Variants in ENOX2 observed in about 807,000 individuals in gnomAD.
ENOX2 encodes the protein ecto-NOX disulfide-thiol exchanger 2.
Under a neutral mutation model 45.0 loss-of-function variants are expected in ENOX2, and 36 were observed. That is an observed-to-expected ratio of 0.80 (90% CI 0.61 to 1.06). The LOEUF (loss-of-function observed/expected upper bound fraction) is 1.06, where lower values mean the gene tolerates loss of function less well. Among genes scored for constraint, ENOX2 ranks in the 50% least tolerant of loss-of-function variants. ENOX2 has a pLI of 0.00. For missense variants in ENOX2, 423 were observed against 462.5 expected, an observed-to-expected ratio of 0.91 and a Z score of 0.78; for synonymous variants, 174 against 152.3, an observed-to-expected ratio of 1.14 and a Z score of -1.05.
At chrX:130,664,908 T>C (rs1280991856) in intron 9 of ENOX2, among the ~76,000 whole-genome samples, 2 of 112,475 alleles carry the variant, frequency 1.8e-5, no homozygotes, top group Non-Finnish European at 3.8e-5. Flanking sequence ...AGAAATGTAG[T>C]TGAAAAGTTG....
chrX:130,630,988 C>CAAAG (rs1261090193), intron 13 of ENOX2, among the ~76,000 whole-genome samples: 1 of 110,284 alleles, frequency 9.1e-6, no homozygotes, highest in Non-Finnish European at 1.9e-5. Flanking sequence ...AACAAACAAA[C>CAAAG]AAACAAACAA....
In ENOX2 at chrX:130,747,641, GC is replaced by G. The variant is rs34069292; in HGVS notation, c.-39+35905del. 4.8e-3 allele frequency among the ~76,000 whole-genome samples: 535 copies of G among 112,586 alleles called. 5 individuals carry two copies. Among genetic ancestry groups the G allele is most frequent in the African/African-American group, 0.017 (516 of 31,011 alleles). On this transcript the variant is annotated intron_variant, in intron 3 of 14. Coordinates refer to ENST00000394363, the MANE Select transcript of ENOX2 (RefSeq NM_006375.4). ...AGCAGCTCTGAGCTGTGGGCTTCAT[GC>G]CCCTGAAGCAGGGTTTTCAAAGAGC...
At chrX:130,736,278 C>T (rs965194045) in intron 3 of ENOX2, among the ~76,000 whole-genome samples, 1 of 109,334 alleles carries the variant, frequency 9.1e-6, no homozygotes, top group Non-Finnish European at 1.9e-5. Flanking sequence ...GCAGGAGAGT[C>T]GCTTGGGGAG....
At chrX:130,641,810 C>T (rs901065180) in intron 10 of ENOX2, among the ~76,000 whole-genome samples, 5 of 110,245 alleles carry the variant, frequency 4.5e-5, no homozygotes, top group Non-Finnish European at 9.5e-5. Context: ...GGTGACAGCA[C>T]ATCTGTTTAC....
At chrX:130,842,517 C>A (rs2078032296) in intron 2 of ENOX2, among the ~76,000 whole-genome samples, 1 of 111,780 alleles carries the variant, frequency 8.9e-6, no homozygotes, top group African/African-American at 3.2e-5. Flanking sequence ...TCCACTTCCT[C>A]TCCTCTCATC....
chrX:130,702,017 G>T (rs1222447293), intron 4 of ENOX2, among the ~76,000 whole-genome samples: 1 of 110,196 alleles, frequency 9.1e-6, no homozygotes, highest in Non-Finnish European at 1.9e-5. Context: ...ATGTTTGGTT[G>T]CTTTTATGCT....
chrX:130,625,564 C>A, intron 14 of ENOX2, 119 bp from the exon 15 acceptor site: 1 of 702,380 alleles, frequency 1.4e-6, no homozygotes, highest in South Asian at 3.1e-5. Context: ...GGGCGTTTAA[C>A]CTCCTCCTGC....
At chrX:130,734,698 C>T (rs768277613) in intron 3 of ENOX2, among the ~76,000 whole-genome samples, 1 of 112,220 alleles carries the variant, frequency 8.9e-6, no homozygotes, top group African/African-American at 3.2e-5. Flanking sequence ...AATGATTGCA[C>T]AGAATATTAA....
In ENOX2 at chrX:130,865,040, ATTTTT is replaced by A. The variant is rs59866457; in HGVS notation, c.-183+36639_-183+36643del. Among the ~76,000 whole-genome samples the A allele has an allele frequency of 2.3e-3, 215 of 94,540 alleles. 1 individual carries two copies. The highest frequency in any genetic ancestry group is 0.015 in the Middle Eastern group (3 of 195). 82.1% of individuals were successfully genotyped at this position (94,540 alleles called of 115,157 possible). On this transcript the variant is annotated intron_variant, in intron 2 of 14. Transcript: ENST00000394363. The stretch of plus-strand genomic sequence containing the variant: ...AAACAACAACAAAAATTGGACACAG[ATTTTT>A]TTTTTTTTTTTTTTGAAATTAACGA...
chrX:130,741,806 G>A (rs2038988405), intron 3 of ENOX2, among the ~76,000 whole-genome samples: 1 of 111,508 alleles, frequency 9.0e-6, no homozygotes, highest in South Asian at 3.8e-4. Flanking sequence ...AAGGGGGAGA[G>A]ACGGAGAACA....
chrX:130,717,300 A>G (rs1714312198), intron 3 of ENOX2, among the ~76,000 whole-genome samples: 1 of 112,286 alleles, frequency 8.9e-6, no homozygotes, highest in African/African-American at 3.2e-5. Context: ...AACCATAAAG[A>G]TAATAAGTCT....
intron 2 of ENOX2, among the ~76,000 whole-genome samples, chrX:130,838,970 CA>C (rs2077970804): frequency 8.9e-6 from 1 of 112,124 alleles, no homozygotes; most frequent in African/African-American, 3.2e-5. Context: ...GATACATACA[CA>C]ATGCAGTGAA....
At position 130,627,961 on chromosome X, in the gene ENOX2, A is replaced by G; in HGVS notation, c.1611T>C (p.Asn537=). ...CCCATTTTAGGCCCCCATATACCTT[A>G]TTATCAAGACGGTGCAAGTAGGAAC... is the stretch of plus-strand genomic sequence containing the variant. ...YICSYLHRLD[N]KICTSDVECL... is the part of the protein sequence containing the mutation. Residue 537 remains asparagine (N), a synonymous_variant, in exon 14 of 15, where the codon AAT becomes AAC. Coordinates refer to ENST00000394363, the MANE Select transcript of ENOX2 (RefSeq NM_006375.4). 1.7e-6 allele frequency: 2 copies of G among 1,197,041 alleles called. No individual in the cohort carries two copies. Among genetic ancestry groups the G allele is most frequent in the South Asian group, 3.5e-5 (2 of 56,428 alleles).
chrX:130,664,160 C>T (rs192818725), intron 9 of ENOX2, among the ~76,000 whole-genome samples: 20 of 112,269 alleles, frequency 1.8e-4, no homozygotes, highest in Non-Finnish European at 3.4e-4. Flanking sequence ...ATCCCTTTGC[C>T]GTGCCAGAAT....
intron 2 of ENOX2, among the ~76,000 whole-genome samples, chrX:130,792,965 G>C (rs1441309994): frequency 8.9e-6 from 1 of 112,193 alleles, no homozygotes; most frequent in East Asian, 2.8e-4. Flanking sequence ...ACTTCTGCTG[G>C]ACAGTGCTGC....
chrX:130,893,755 T>C (rs2079017473), intron 2 of ENOX2, among the ~76,000 whole-genome samples: 1 of 112,236 alleles, frequency 8.9e-6, no homozygotes, highest in Non-Finnish European at 1.9e-5. Context: ...TTCCCATATC[T>C]GGATGTGACG....
At chrX:130,625,468 C>A in intron 14 of ENOX2, 23 bp from the exon 15 acceptor site, 1 of 1,191,321 alleles carries the variant, frequency 8.4e-7, no homozygotes, top group African/African-American at 1.7e-5. Context: ...GAGAACATCT[C>A]CATTCAAAAC....
intron 10 of ENOX2, among the ~76,000 whole-genome samples, 189 bp from the exon 11 acceptor site, chrX:130,637,599 G>C (rs1253724311): frequency 9.0e-6 from 1 of 111,441 alleles, no homozygotes; most frequent in Non-Finnish European, 1.9e-5. Flanking sequence ...ACACACAAAA[G>C]TTTACATCAT....
chrX:130,756,700 T>C, intron 3 of ENOX2, among the ~76,000 whole-genome samples: 2 of 112,349 alleles, frequency 1.8e-5, no homozygotes, highest in East Asian at 2.8e-4. Context: ...ACTGAATGGA[T>C]CTCATGCCCT....
Sources: gnomAD v4.1 joint callset for allele counts (sites outside exome capture counted in the v4.1 genomes callset) on GRCh38, gnomAD v4.1.1 for gene constraint, MANE v1.5 for transcripts, NCBI Gene and HGNC (gene_info 2026-07-23, HGNC 2026-07-21) for gene names.